JMJD1C: variants seen among roughly 807,000 people sequenced by gnomAD.
The protein encoded by JMJD1C is jumonji domain-containing protein 1C.
A neutral mutation model predicts 245.3 loss-of-function variants in JMJD1C; 31 were observed. That is an observed-to-expected ratio of 0.13 (90% CI 0.09 to 0.17). The LOEUF is 0.17. JMJD1C is among the 10% of genes least tolerant of loss of function. The probability of loss-of-function intolerance (pLI) is 1.00; values close to 1 mark genes in which losing one functional copy is unlikely to be tolerated. For synonymous variants in JMJD1C, 1,057 were observed against 1,017.4 expected, an observed-to-expected ratio of 1.04 and a Z score of -0.74; for missense variants, 2,691 against 3,000.2, an observed-to-expected ratio of 0.90 and a Z score of 2.41.
chr10:63,363,281 T>C (rs2134376806), intron 2 of JMJD1C, among the ~76,000 whole-genome samples: 1 of 141,560 alleles, frequency 7.1e-6, no homozygotes, highest in South Asian at 2.2e-4. Flanking sequence ...TTTTTCCTGA[T>C]GGAGTCTCGC....
At chr10:63,430,143 T>C (rs1314364900) in intron 1 of JMJD1C, among the ~76,000 whole-genome samples, 7 of 152,148 alleles carry the variant, frequency 4.6e-5, no homozygotes, top group Admixed American at 4.6e-4. Flanking sequence ...GGTTTCCATA[T>C]ACAAAAAATA....
chr10:63,197,649 T>C (rs1041496666), intron 12 of JMJD1C, 86 bp from the exon 13 acceptor site: 4 of 1,279,622 alleles, frequency 3.1e-6, no homozygotes, highest in Middle Eastern at 2.0e-4. Flanking sequence ...GAAATAAAAA[T>C]GTAAAGGCAA....
intron 1 of JMJD1C, among the ~76,000 whole-genome samples, chr10:63,410,529 A>T (rs1180322332): frequency 1.3e-5 from 2 of 152,196 alleles, no homozygotes; most frequent in Admixed American, 1.3e-4. Flanking sequence ...AAAACCTTCC[A>T]TAAGAATCCA....
chr10:63,510,287 G>A (rs1954837888), intron 1 of JMJD1C, among the ~76,000 whole-genome samples: 1 of 152,162 alleles, frequency 6.6e-6, no homozygotes, highest in Admixed American at 6.5e-5. Flanking sequence ...ACAGGCATGA[G>A]CCACCGCGCT....
chr10:63,215,275 T>C lies in JMJD1C; in HGVS notation c.1003A>G (p.Ile335Val). The C allele has an allele frequency of 6.2e-7, 1 of 1,613,458 alleles. No homozygotes were observed. Among genetic ancestry groups the C allele is most frequent in the Non-Finnish European group, 8.5e-7 (1 of 1,179,732 alleles). ...AAGTGGGTCCTACCTCCTCGTGATA[T>C]ATAATCATATTTTTCCTCCTTCATC... ...EKMKEEKYDYISRGENPKGKN... is the reference protein window; with the variant it reads ...EKMKEEKYDYVSRGENPKGKN... Residue 335 changes from isoleucine (I) to valine (V), a missense_variant, in exon 7 of 26, where the codon ATA (isoleucine) becomes GTA (valine). Around this residue, in one of 9 missense-constraint regions of JMJD1C, gnomAD observed 1,562 missense variants for 1,490.7 expected, o/e 1.05. Coordinates refer to ENST00000399262, the MANE Select transcript of JMJD1C (RefSeq NM_032776.3).
rs576065722 is a variant in JMJD1C, at chr10:63,428,598, G to C, written c.168+36897C>G. Among the ~76,000 whole-genome samples the C allele has an allele frequency of 2.0e-5, 3 of 151,960 alleles. No individual in the cohort carries two copies. In the South Asian group the frequency reaches 6.2e-4, roughly 32 times the overall value. ...TGACTATAAGCAGAAACATATACTG[G>C]AACAAAACCATTCTTCAGTTCAAGT... On this transcript the variant is annotated intron_variant, in intron 1 of 25. Transcript: ENST00000399262.
rs987126532 is a variant in JMJD1C, at chr10:63,190,799, C to T, written c.6291+95G>A. 6 of 861,754 alleles carry T rather than the reference C, an allele frequency of 7.0e-6. No homozygotes were observed. The African/African-American group carries it at 1.0e-4, about 14-fold the overall frequency. 53.4% of individuals were successfully genotyped at this position (861,754 alleles called of 1,614,324 possible). A position where few individuals can be genotyped will look rare whatever the true frequency, so the allele number is the denominator to read the frequency against. On this transcript the variant is annotated intron_variant, in intron 17 of 25. Coordinates refer to ENST00000399262, the MANE Select transcript of JMJD1C (RefSeq NM_032776.3). ...CCTAGCAATTTGGTACACTTGATTTCATCAGCATACTGGGTAGTTCAGAGC... is the reference window on the plus strand; with the variant it reads ...CCTAGCAATTTGGTACACTTGATTTTATCAGCATACTGGGTAGTTCAGAGC...
intron 1 of JMJD1C, among the ~76,000 whole-genome samples, chr10:63,400,113 T>TA (rs1227742144): frequency 6.6e-6 from 1 of 152,150 alleles, no homozygotes; most frequent in African/African-American, 2.4e-5. Context: ...CTACATAATA[T>TA]CCCACTTGGG....
intron 1 of JMJD1C, among the ~76,000 whole-genome samples, chr10:63,515,952 G>A (rs771358521): frequency 7.9e-5 from 12 of 152,020 alleles, no homozygotes; most frequent in Non-Finnish European, 1.3e-4. Flanking sequence ...TTCAATTCTT[G>A]TATACTCAAA....
At chr10:63,292,143 G>GTTTTTTTTT (rs1396774570) in intron 2 of JMJD1C, among the ~76,000 whole-genome samples, 1 of 13,516 alleles carries the variant, frequency 7.4e-5, no homozygotes, top group African/African-American at 4.3e-4. Context: ...TGTAGAGACA[G>GTTTTTTTTT]ATTTTTTTTT....
Position 63,269,899 on chromosome 10 carries a change from C to T in JMJD1C, c.334-5135G>A, listed in dbSNP as rs138632592. On this transcript the variant is annotated intron_variant, in intron 2 of 25. Transcript: ENST00000399262. ...CTGATGTTGTCCAATATGGTAGTTA[C>T]TAATCATATGTAGCAACTGAGCACC... 7.9e-5 allele frequency among the ~76,000 whole-genome samples: 12 copies of T among 152,154 alleles called. No individual in the cohort carries two copies. The East Asian group carries it at 2.3e-3, about 29-fold the overall frequency.
intron 23 of JMJD1C, 194 bp from the exon 24 acceptor site, chr10:63,176,667 G>T: frequency 1.8e-6 from 1 of 555,692 alleles, no homozygotes; most frequent in Non-Finnish European, 3.2e-6. Context: ...AAACAATACA[G>T]CAATGCTGAA....
At chr10:63,412,955 CAGA>C (rs1949573502) in intron 1 of JMJD1C, among the ~76,000 whole-genome samples, 1 of 151,946 alleles carries the variant, frequency 6.6e-6, no homozygotes, top group Non-Finnish European at 1.5e-5. Context: ...GTCAACTGCA[CAGA>C]AGAATAGTGT....
intron 3 of JMJD1C, among the ~76,000 whole-genome samples, chr10:63,228,140 A>G (rs1849529181): frequency 6.6e-6 from 1 of 152,216 alleles, no homozygotes; most frequent in South Asian, 2.1e-4. Context: ...GAAAGTTAAT[A>G]TATTAGGCTT....
At chr10:63,483,335 G>A (rs1403437965) in intron 1 of JMJD1C, among the ~76,000 whole-genome samples, 5 of 152,164 alleles carry the variant, frequency 3.3e-5, no homozygotes, top group East Asian at 1.9e-4. Flanking sequence ...CCAAGTGAGC[G>A]GTTGCATAAG....
chr10:63,168,738 C>G (rs1842072688), intron 24 of JMJD1C, among the ~76,000 whole-genome samples, 172 bp from the exon 25 acceptor site: 1 of 152,166 alleles, frequency 6.6e-6, no homozygotes, highest in African/African-American at 2.4e-5. Context: ...AAAGTTATGT[C>G]ACTGAAAAGC....
chr10:63,510,103 C>T (rs1954830868), intron 1 of JMJD1C, among the ~76,000 whole-genome samples: 1 of 151,718 alleles, frequency 6.6e-6, no homozygotes, highest in South Asian at 2.1e-4. Context: ...CCTAGGTTCA[C>T]AAAATTCTCC....
rs543889705 is a variant in JMJD1C, at chr10:63,213,352, C to T, written c.2694+121G>A. The stretch of plus-strand genomic sequence containing the variant: ...GTTACTAAGTGTATGGAAAAACAAC[C>T]GAAAAATTCTAACATATTTTATAAT... On this transcript the variant is annotated intron_variant, in intron 8 of 25. Coordinates refer to ENST00000399262, the MANE Select transcript of JMJD1C (RefSeq NM_032776.3). 4.4e-4 allele frequency: 288 copies of T among 660,964 alleles called. 6 individuals are homozygous for T. In the South Asian group the frequency reaches 7.8e-3, roughly 18 times the overall value. The allele number at this position is 660,964 out of a possible 1,614,324, so 40.9% of individuals were successfully genotyped here.
At chr10:63,344,491 G>A (rs1393600059) in intron 2 of JMJD1C, among the ~76,000 whole-genome samples, 1 of 152,038 alleles carries the variant, frequency 6.6e-6, no homozygotes, top group Non-Finnish European at 1.5e-5. Context: ...GTGATGCATG[G>A]CTATTCGTAA....
Sources: gnomAD v4.1 joint callset for allele counts (sites outside exome capture counted in the v4.1 genomes callset) on GRCh38, gnomAD v4.1.1 for gene constraint, gnomAD v4.1.1 regional missense constraint, MANE v1.5 for transcripts, NCBI Gene and HGNC (gene_info 2026-07-23, HGNC 2026-07-21) for gene names.